ADGRF3: variants seen among roughly 807,000 people sequenced by gnomAD.
The protein encoded by ADGRF3 is adhesion G protein-coupled receptor F3, also known as G protein-coupled receptor 113.
ADGRF3 carries 85 observed loss-of-function variants against 93.2 expected under a neutral mutation model. The observed-to-expected ratio is 0.91, with a 90% CI of 0.77 to 1.09. The LOEUF (loss-of-function observed/expected upper bound fraction) is 1.09, where lower values mean the gene tolerates loss of function less well. ADGRF3 is among the 50% of genes least tolerant of loss of function. The probability of loss-of-function intolerance (pLI) is 0.00; values close to 1 mark genes in which losing one functional copy is unlikely to be tolerated. For synonymous variants in ADGRF3, 534 were observed against 532.5 expected (o/e 1.00, Z -0.04); for missense variants, 1,125 against 1,246.2 (o/e 0.90, Z 1.46).
In ADGRF3 at chr2:26,315,640, G is replaced by A. The variant is rs139750480; in HGVS notation, c.600C>T (p.Phe200=). ...LSQEATNLSW[F]LRHPGSPSPI... ...GACTGGGGCTCCCTGGGTGCCTCAG[G>A]AACCAGCTCAGGTTGGTGGCCTCCT... Residue 200 remains phenylalanine (F), a synonymous_variant, in exon 5 of 14, where the codon TTC becomes TTT. Coordinates refer to ENST00000651242, the MANE Select transcript of ADGRF3 (RefSeq NM_001321971.2). The A allele has an allele frequency of 4.7e-4, 734 of 1,551,608 alleles. 6 individuals carry two copies. The African/African-American group carries it at 9.2e-3, about 19-fold the overall frequency.
At chr2:26,337,554 T>C (rs1205822686) in intron 1 of ADGRF3, among the ~76,000 whole-genome samples, 2 of 152,258 alleles carry the variant, frequency 1.3e-5, no homozygotes, top group African/African-American at 4.8e-5. Context: ...TTTAGGCTAC[T>C]GAATTTTGAG....
At chr2:26,319,074 G>A (rs1285065484) in intron 1 of ADGRF3, 3 of 1,535,060 alleles carry the variant, frequency 2.0e-6, no homozygotes, top group Non-Finnish European at 1.8e-6. Flanking sequence ...GTCCCTACAA[G>A]CCCACGATGC....
intron 1 of ADGRF3, among the ~76,000 whole-genome samples, chr2:26,339,921 C>T (rs966946707): frequency 1.3e-5 from 2 of 152,156 alleles, no homozygotes; most frequent in African/African-American, 2.4e-5. Flanking sequence ...TCTCACATGC[C>T]TTCCTTATCA....
At chr2:26,335,265 C>T (rs1675973970) in intron 1 of ADGRF3, among the ~76,000 whole-genome samples, 1 of 152,200 alleles carries the variant, frequency 6.6e-6, no homozygotes, top group South Asian at 2.1e-4. Context: ...AAGCAAAGCA[C>T]ATTTCCTATA....
chr2:26,336,441 G>T (rs1314048705), intron 1 of ADGRF3, among the ~76,000 whole-genome samples: 1 of 151,792 alleles, frequency 6.6e-6, no homozygotes, highest in East Asian at 1.9e-4. Context: ...AGCAATCAAG[G>T]GAGGCTAGGC....
chr2:26,335,643 T>TG lies in ADGRF3; in HGVS notation c.114+10477_114+10478insC, dbSNP rs567028731. On this transcript the variant is annotated intron_variant, in intron 1 of 13. Transcript: ENST00000651242. Reference sequence around the variant, plus strand: ...TTTTTCCACATCCTTGCCAACGCTGTTTTTTTTTTCCCATTTTTTTACATT... The same window carrying TG: ...TTTTTCCACATCCTTGCCAACGCTGTGTTTTTTTTTCCCATTTTTTTACATT... Among the ~76,000 whole-genome samples the TG allele has an allele frequency of 1.2e-4, 4 of 32,506 alleles. No individual in the cohort carries two copies. The East Asian group carries it at 0.12, about 1,016-fold the overall frequency. The allele number at this position is 32,506 out of a possible 152,430, so 21.3% of individuals were successfully genotyped here.
chr2:26,322,109 C>T (rs1376029859), intron 1 of ADGRF3, among the ~76,000 whole-genome samples: 2 of 151,398 alleles, frequency 1.3e-5, no homozygotes, highest in African/African-American at 2.4e-5. Context: ...GTGGTGAAAC[C>T]CCATCTCTAC....
At chr2:26,327,660 G>T (rs1007809816) in intron 1 of ADGRF3, among the ~76,000 whole-genome samples, 1 of 146,252 alleles carries the variant, frequency 6.8e-6, no homozygotes, top group African/African-American at 2.5e-5. Flanking sequence ...TCATCCCATG[G>T]CAGAAGATGG....
At chr2:26,317,466 C>G (rs756432340) in intron 2 of ADGRF3, 30 bp downstream of exon 2, 12 of 1,566,574 alleles carry the variant, frequency 7.7e-6, no homozygotes, top group East Asian at 2.4e-5. Flanking sequence ...ATCTCCTCCC[C>G]CTCCCTCCTC....
At chr2:26,318,718 G>A (rs1258379685) in intron 1 of ADGRF3, among the ~76,000 whole-genome samples, 5 of 152,250 alleles carry the variant, frequency 3.3e-5, no homozygotes, top group South Asian at 4.1e-4. Context: ...CCAAAGTACA[G>A]CAGGTATCAT....
chr2:26,313,638 A>G, intron 7 of ADGRF3, 65 bp from the exon 8 acceptor site: 2 of 1,563,646 alleles, frequency 1.3e-6, no homozygotes, highest in Non-Finnish European at 8.7e-7. Flanking sequence ...CCTTGGGCAG[A>G]ACCCTATGCG....
intron 10 of ADGRF3, 87 bp downstream of exon 10, chr2:26,310,605 C>T: frequency 7.3e-7 from 1 of 1,369,988 alleles, no homozygotes; most frequent in Non-Finnish European, 9.9e-7. Flanking sequence ...TTCTTCTGCT[C>T]CACCTTGGTA....
chr2:26,336,181 G>A (rs1161640906), intron 1 of ADGRF3, among the ~76,000 whole-genome samples: 1 of 152,196 alleles, frequency 6.6e-6, no homozygotes, highest in Non-Finnish European at 1.5e-5. Context: ...CTTCTTGGGA[G>A]AAATGAAACT....
Position 26,346,278 on chromosome 2 carries a change from G to T in ADGRF3, c.-44C>A. ...GAGCCCGGAGCAGCTGGCTGGCTTTGATAAGTACAAGGTACCGCGGGCCGG... is the reference window on the plus strand; with the variant it reads ...GAGCCCGGAGCAGCTGGCTGGCTTTTATAAGTACAAGGTACCGCGGGCCGG... On this transcript the variant is annotated 5_prime_UTR_variant, in exon 1 of 14. It introduces an in-frame stop codon into an upstream open reading frame of the 5' UTR. Coordinates refer to ENST00000651242, the MANE Select transcript of ADGRF3 (RefSeq NM_001321971.2). The T allele has an allele frequency of 6.2e-7, 1 of 1,613,528 alleles. No homozygotes were observed. Among genetic ancestry groups the T allele is most frequent in the Non-Finnish European group, 8.5e-7 (1 of 1,179,568 alleles).
Position 26,317,487 on chromosome 2 carries a change from TAC to T in ADGRF3, c.181+7_181+8del. The stretch of plus-strand genomic sequence containing the variant: ...TCCCCCTCCCTCCTCCTCCTGTCCA[TAC>T]ACTCACCCCCTGCTCCATTCTCTTG... On this transcript the variant is annotated splice_region_variant and intron_variant, in intron 2 of 13. Coordinates refer to ENST00000651242, the MANE Select transcript of ADGRF3 (RefSeq NM_001321971.2). 6.3e-7 allele frequency: 1 copy of T among 1,587,446 alleles called. No individual in the cohort carries two copies. The highest frequency in any genetic ancestry group is 8.6e-7 in the Non-Finnish European group (1 of 1,167,050).
Position 26,316,271 on chromosome 2 carries a change from T to C in ADGRF3, c.499+4A>G. 6.4e-7 allele frequency: 1 copy of C among 1,550,890 alleles called. No individual in the cohort carries two copies. Among genetic ancestry groups the C allele is most frequent in the South Asian group, 1.2e-5 (1 of 83,938 alleles). Reference sequence around the variant, plus strand: ...TTGGTTTCCAAGTTCCCAACCTTCCTCACCAGGTGGCAGCAACTGGCAGTA... The same window carrying C: ...TTGGTTTCCAAGTTCCCAACCTTCCCCACCAGGTGGCAGCAACTGGCAGTA... On this transcript the variant is annotated splice_donor_region_variant and intron_variant, in intron 4 of 13. Transcript: ENST00000651242.
intron 1 of ADGRF3, among the ~76,000 whole-genome samples, chr2:26,324,282 A>G (rs536300085): frequency 1.3e-5 from 2 of 152,286 alleles, no homozygotes; most frequent in East Asian, 3.9e-4. Flanking sequence ...AGAGAAAGTA[A>G]CTGCTGGGGT....
chr2:26,310,411 T>C (rs1468948165), intron 10 of ADGRF3, among the ~76,000 whole-genome samples, 174 bp from the exon 11 acceptor site: 1 of 152,196 alleles, frequency 6.6e-6, no homozygotes, highest in Non-Finnish European at 1.5e-5. Context: ...GTTATGGTTA[T>C]AAAAGGGATA....
At chr2:26,337,546 T>C (rs1290800508) in intron 1 of ADGRF3, among the ~76,000 whole-genome samples, 2 of 152,248 alleles carry the variant, frequency 1.3e-5, no homozygotes, top group Non-Finnish European at 2.9e-5. Flanking sequence ...GTTCTTATTT[T>C]AGGCTACTGA....
Sources: allele counts gnomAD v4.1 joint callset (sites outside exome capture counted in the v4.1 genomes callset), GRCh38; gene constraint gnomAD v4.1.1; transcripts MANE v1.5; gene names NCBI Gene and HGNC (gene_info 2026-07-23, HGNC 2026-07-21).